Variants in MUC22 observed in about 807,000 individuals in gnomAD.
The protein encoded by MUC22 is mucin-22.
In MUC22, 24 loss-of-function variants were observed where a neutral mutation model predicts 40.3. The observed-to-expected ratio is 0.60, with a 90% CI of 0.43 to 0.84. The LOEUF (loss-of-function observed/expected upper bound fraction) is 0.84. Among genes scored for constraint, MUC22 ranks in the 40% least tolerant of loss-of-function variants. The pLI is 0.00. For missense variants in MUC22, 1,926 were observed against 2,130.7 expected (o/e 0.90, Z 1.89); for synonymous variants, 765 against 844.5 (o/e 0.91, Z 1.63).
chr6:31,009,545 T>C (rs1763729307), upstream of MUC22, among the ~76,000 whole-genome samples: 1 of 152,226 alleles, frequency 6.6e-6, no homozygotes, highest in Non-Finnish European at 1.5e-5. Context: ...TTGACTTTCA[T>C]ATAATTAGAA....
exon 2 of MUC22, chr6:31,029,965 G>A (rs1338412251): frequency 6.5e-7 from 1 of 1,535,680 alleles, no homozygotes; most frequent in Admixed American, 2.0e-5. Context: ...TTCCCTCACA[G>A]GCTCTGAGAC....
Position 31,020,284 on chromosome 6 carries a change from A to T in MUC22, c.71-5218A>T, listed in dbSNP as rs546799219. ...AGACTTCCTGTGAAAAACCATGACA[A>T]CCAGAAGATAAAGAAGCAACATCAT... On this transcript the variant is annotated intron_variant, in intron 1 of 3. Coordinates refer to ENST00000561890, the Ensembl canonical transcript of MUC22. Among the ~76,000 whole-genome samples the T allele has an allele frequency of 1.4e-4, 22 of 152,220 alleles. No individual in the cohort carries two copies. In the East Asian group the frequency reaches 4.3e-3, roughly 29 times the overall value.
At chr6:31,009,170 T>C (rs907256527), upstream of MUC22, among the ~76,000 whole-genome samples, 2 of 152,212 alleles carry the variant, frequency 1.3e-5, no homozygotes, top group South Asian at 2.1e-4. Context: ...ATATATGCAG[T>C]AAAATGTGCA....
In MUC22 at chr6:31,026,203, ACTGTG is replaced by A; in HGVS notation, c.773_777del (p.Thr258SerfsTer7). The A allele has an allele frequency of 1.3e-6, 2 of 1,522,068 alleles. 1 individual carries two copies. The highest frequency in any genetic ancestry group is 2.4e-5 in the South Asian group (2 of 83,506). 94.3% of individuals were successfully genotyped at this position (1,522,068 alleles called of 1,614,324 possible). ...GGCATCCAGCATGAGCTCTGAGACC[ACTGTG>A]GCCCCCGCTGCAGGCTCTAACACCA... On this transcript the variant is annotated frameshift_variant, in exon 2 of 4. Transcript: ENST00000561890. LOFTEE classifies it high-confidence loss of function.
intron 1 of MUC22, among the ~76,000 whole-genome samples, chr6:31,016,743 G>A (rs1387775363): frequency 6.6e-6 from 1 of 152,242 alleles, no homozygotes; most frequent in African/African-American, 2.4e-5. Context: ...ACCCTCTCTG[G>A]GCTGGCCGAG....
intron 2 of MUC22, among the ~76,000 whole-genome samples, chr6:31,030,413 A>T (rs1191229320): frequency 6.6e-6 from 1 of 151,814 alleles, no homozygotes; most frequent in Non-Finnish European, 1.5e-5. Flanking sequence ...GCTACTCGGA[A>T]GGCTGAGGCA....
chr6:31,018,107 T>TG (rs1427627927), intron 1 of MUC22, among the ~76,000 whole-genome samples: 1 of 152,226 alleles, frequency 6.6e-6, no homozygotes, highest in Non-Finnish European at 1.5e-5. Flanking sequence ...GCTTCATTGT[T>TG]GAAGTCAGAC....
At chr6:31,007,609 C>A (rs750479969), upstream of MUC22, among the ~76,000 whole-genome samples, 2 of 152,124 alleles carry the variant, frequency 1.3e-5, no homozygotes, top group African/African-American at 2.4e-5. The surrounding 1 kb of genome is among the most constrained non-coding windows in gnomAD (Gnocchi z 4.0). Flanking sequence ...GAGATGGCAG[C>A]GAGAATCTGG....
intron 1 of MUC22, among the ~76,000 whole-genome samples, chr6:31,017,759 T>C (rs28744232): frequency 0.061 from 9,231 of 151,884 alleles, 347 homozygotes; most frequent in South Asian, 0.12. Context: ...ATCGGCGCTC[T>C]GTAAAATGGA....
chr6:31,020,792 G>C (rs1320558578), intron 1 of MUC22, among the ~76,000 whole-genome samples: 1 of 148,280 alleles, frequency 6.7e-6, no homozygotes, highest in Non-Finnish European at 1.5e-5. Context: ...GGTAGGCGTG[G>C]GCTTGGCGGC....
At chr6:31,031,178 T>C (rs1766034232) in intron 2 of MUC22, among the ~76,000 whole-genome samples, 1 of 152,202 alleles carries the variant, frequency 6.6e-6, no homozygotes, top group South Asian at 2.1e-4. Context: ...CACCCATCGC[T>C]ACCTAAGCCG....
At chr6:31,033,926 T>C (rs1246086629) in intron 3 of MUC22, among the ~76,000 whole-genome samples, 2 of 152,262 alleles carry the variant, frequency 1.3e-5, no homozygotes, top group African/African-American at 4.8e-5. Context: ...GTATGTGGAC[T>C]ACATAATAAA....
exon 2 of MUC22, chr6:31,026,209 G>A (rs1418622774): frequency 1.6e-5 from 24 of 1,520,966 alleles, no homozygotes; most frequent in South Asian, 1.1e-4. Flanking sequence ...GACCACTGTG[G>A]CCCCCGCTGC....
At position 31,026,714 on chromosome 6, in the gene MUC22, C is replaced by T. The variant is rs1765395790; in HGVS notation, c.1283C>T (p.Thr428Ile). 1 of 1,505,814 alleles carries T rather than the reference C, an allele frequency of 6.6e-7. No homozygotes were observed. The highest frequency in any genetic ancestry group is 8.9e-7 in the Non-Finnish European group (1 of 1,127,668). 93.3% of individuals were successfully genotyped at this position (1,505,814 alleles called of 1,614,324 possible). A position where few individuals can be genotyped will look rare whatever the true frequency, so the allele number is the denominator to read the frequency against. The change falls in exon 2 of 4, where the codon ACA (threonine) becomes ATA (isoleucine). Residue 428 changes from threonine (T) to isoleucine (I), a missense_variant. By Grantham distance (89) the Thr-to-Ile change is moderately conservative. Coordinates refer to ENST00000561890, the Ensembl canonical transcript of MUC22. ...TCTACCACAGGCTCTGAGATGACCA[C>T]AGTCTTCACTGCAGGCTCGGAAACC...
exon 2 of MUC22, chr6:31,027,262 A>G: frequency 6.7e-7 from 1 of 1,502,424 alleles, no homozygotes; most frequent in Non-Finnish European, 8.9e-7. Flanking sequence ...AGCCTCCATC[A>G]TGGGCTCTGA....
exon 1 of MUC22, chr6:31,010,697 T>A: frequency 1.4e-6 from 1 of 702,570 alleles, no homozygotes; most frequent in South Asian, 1.5e-5. Context: ...TCTATGTGCA[T>A]CATTTAGAGA....
chr6:31,010,839 T>C, intron 1 of MUC22, 63 bp downstream of exon 1: 1 of 696,210 alleles, frequency 1.4e-6, no homozygotes, highest in South Asian at 1.5e-5. Flanking sequence ...CTGAAGGAGA[T>C]GGGGAATCCC....
intron 3 of MUC22, among the ~76,000 whole-genome samples, chr6:31,033,963 A>C (rs941146908): frequency 2.0e-5 from 3 of 152,222 alleles, no homozygotes; most frequent in East Asian, 1.9e-4. Context: ...TTACTCCCTA[A>C]ATTACTTTAT....
chr6:31,009,989 G>A (rs1288878055), upstream of MUC22, among the ~76,000 whole-genome samples: 1 of 152,136 alleles, frequency 6.6e-6, no homozygotes, highest in Non-Finnish European at 1.5e-5. Context: ...CACTCACGTA[G>A]CCATGTGCTG....
Sources: allele counts gnomAD v4.1 joint callset (sites outside exome capture counted in the v4.1 genomes callset), GRCh38; gene constraint gnomAD v4.1.1; non-coding constraint Gnocchi (gnomAD v3.1); transcripts MANE v1.5; gene names NCBI Gene and HGNC (gene_info 2026-07-23, HGNC 2026-07-21).